PAK4: variants seen among roughly 807,000 people sequenced by gnomAD.
PAK4 encodes serine/threonine-protein kinase PAK 4.
Under a neutral mutation model 53.5 loss-of-function variants are expected in PAK4, and 49 were observed. The ratio of observed to expected loss-of-function variants is 0.92; its 90% confidence interval spans 0.73 to 1.16. The LOEUF is 1.16. PAK4 is among the 50% of genes most tolerant of loss of function. The probability of loss-of-function intolerance (pLI) is 0.00; values close to 1 mark genes in which losing one functional copy is unlikely to be tolerated. For synonymous variants in PAK4, 376 were observed against 375.6 expected, an observed-to-expected ratio of 1.00 and a Z score of -0.01; for missense variants, 824 against 850.7, an observed-to-expected ratio of 0.97 and a Z score of 0.39.
At chr19:39,171,559 C>T (rs1029123186) in intron 2 of PAK4, among the ~76,000 whole-genome samples, 2 of 152,206 alleles carry the variant, frequency 1.3e-5, no homozygotes, top group African/African-American at 4.8e-5. Flanking sequence ...CTTCCTGGGG[C>T]CCCTGGGCAA....
chr19:39,160,020 C>T (rs76969237), intron 1 of PAK4, among the ~76,000 whole-genome samples: 2,563 of 152,348 alleles, frequency 0.017, 37 homozygotes, highest in African/African-American at 0.034. Context: ...AGATTCCCAG[C>T]GTAGGCCATG....
At chr19:39,133,832 A>T (rs1337322601) in intron 1 of PAK4, among the ~76,000 whole-genome samples, 1 of 151,522 alleles carries the variant, frequency 6.6e-6, no homozygotes, top group Admixed American at 6.6e-5. Flanking sequence ...CCCACACTTC[A>T]CTCCCAGAGG....
At chr19:39,172,447 C>A (rs947362626) in intron 2 of PAK4, among the ~76,000 whole-genome samples, 1 of 152,142 alleles carries the variant, frequency 6.6e-6, no homozygotes, top group African/African-American at 2.4e-5. Flanking sequence ...GTCCCCCACT[C>A]CTTGTTGTTC....
chr19:39,167,169 A>G (rs946994039), intron 1 of PAK4, among the ~76,000 whole-genome samples: 1 of 152,096 alleles, frequency 6.6e-6, no homozygotes, highest in African/African-American at 2.4e-5. Flanking sequence ...GAGGGGTCAC[A>G]TGGCTGATCC....
chr19:39,132,235 T>C (rs943160803), intron 1 of PAK4, among the ~76,000 whole-genome samples: 1 of 152,194 alleles, frequency 6.6e-6, no homozygotes, highest in Non-Finnish European at 1.5e-5. Flanking sequence ...TTTTCCTCCA[T>C]GTGCATGCAT....
chr19:39,158,027 A>T (rs576878374), intron 1 of PAK4, among the ~76,000 whole-genome samples: 10 of 151,778 alleles, frequency 6.6e-5, no homozygotes, highest in East Asian at 5.8e-4. Context: ...CATGTGTGTG[A>T]GTGTGCATGT....
Position 39,136,676 on chromosome 19 carries a change from G to A in PAK4, c.-23+10757G>A, listed in dbSNP as rs368948090. 4.0e-4 allele frequency among the ~76,000 whole-genome samples: 61 copies of A among 152,338 alleles called. 1 individual carries two copies. In the South Asian group the frequency reaches 0.011, roughly 28 times the overall value. ...CGTAGCCTCAGGGCATGGGGGTAGG[G>A]GTAGAACCACAGGGCCTTGCCCTGC... On this transcript the variant is annotated intron_variant, in intron 1 of 8. Coordinates refer to ENST00000358301, the Ensembl canonical transcript of PAK4.
chr19:39,169,492 G>A (rs2144819015), intron 1 of PAK4, 40 bp from the exon 3 acceptor site: 1 of 1,404,406 alleles, frequency 7.1e-7, no homozygotes, highest in South Asian at 1.2e-5. Context: ...GAAGAGACAT[G>A]GGCAGGCTCT....
At chr19:39,170,892 G>A (rs2074465571) in intron 2 of PAK4, among the ~76,000 whole-genome samples, 1 of 152,236 alleles carries the variant, frequency 6.6e-6, no homozygotes, top group Non-Finnish European at 1.5e-5. Flanking sequence ...GAGGCGAGTG[G>A]CAGCTGCCTC....
chr19:39,147,135 C>CT (rs1466032468), intron 1 of PAK4, among the ~76,000 whole-genome samples: 1 of 151,906 alleles, frequency 6.6e-6, no homozygotes, highest in Non-Finnish European at 1.5e-5. Flanking sequence ...ACAAGGATCC[C>CT]TCCTAATACC....
Position 39,173,591 on chromosome 19 carries a change from G to T in PAK4, c.679G>T (p.Val227Leu), listed in dbSNP as rs200391013. ...TCTGTTTCAGGGGGAGCCTCATGAC[G>T]TGGCCCCTAACGGGCCATCAGCGGG... Residue 227 changes from valine to leucine, a missense_variant, in exon 4 of 9, where the codon GTG becomes TTG. Val to Leu is a conservative substitution (Grantham distance 32). Around this residue, in one of 2 missense-constraint regions of PAK4, gnomAD observed 478 missense variants for 435.8 expected, o/e 1.10. Coordinates refer to ENST00000358301, the Ensembl canonical transcript of PAK4. This position sits in a 1 kb window ranked among gnomAD's most constrained non-coding sequence, Gnocchi z 6.9. 1 of 1,524,346 alleles carries T rather than the reference G, an allele frequency of 6.6e-7. No homozygotes were observed. The highest frequency in any genetic ancestry group is 2.3e-5 in the East Asian group (1 of 44,080). The allele number at this position is 1,524,346 out of a possible 1,614,324, so 94.4% of individuals were successfully genotyped here. A position where few individuals can be genotyped will look rare whatever the true frequency, so the allele number is the denominator to read the frequency against.
chr19:39,180,913 G>C (rs1030391382), downstream of PAK4: 3 of 152,204 alleles, frequency 2.0e-5, no homozygotes, highest in Non-Finnish European at 4.4e-5. Context: ...CAGCCAGGGT[G>C]CCCGGCGACC....
chr19:39,172,516 G>C (rs1391954306), intron 2 of PAK4, among the ~76,000 whole-genome samples: 1 of 152,142 alleles, frequency 6.6e-6, no homozygotes, highest in Non-Finnish European at 1.5e-5. Context: ...ATGGGAGGAA[G>C]TGCCAGGCCA....
rs770959716 is a variant in PAK4 at position 39,173,347 on chromosome 19, G to A, written c.634G>A (p.Asp212Asn). ...GCCCTTTAACACCTACCCGAGGGCT[G>A]ACACGGACCACCCATCCCGGGGTGC... Residue 212 changes from aspartate to asparagine, a missense_variant, in exon 3 of 9, where the codon GAC becomes AAC. Asp to Asn is a conservative substitution (Grantham distance 23, BLOSUM62 1). This residue lies in a region of PAK4 where 478 missense variants were observed against 435.8 expected (regional missense o/e 1.10). Transcript: ENST00000358301. This position sits in a 1 kb window ranked among gnomAD's most constrained non-coding sequence, Gnocchi z 6.9. 6.4e-7 allele frequency: 1 copy of A among 1,555,172 alleles called. No homozygotes were observed. Among genetic ancestry groups the A allele is most frequent in the Admixed American group, 1.9e-5 (1 of 51,500 alleles).
intron 4 of PAK4, 30 bp from the exon 6 acceptor site, chr19:39,174,901 C>T: frequency 6.2e-7 from 1 of 1,612,748 alleles, no homozygotes; most frequent in East Asian, 2.2e-5. Context: ...CCTCCCGCCT[C>T]CCTCCACCAC....
chr19:39,170,497 G>C (rs1432212068), intron 2 of PAK4, among the ~76,000 whole-genome samples: 1 of 152,230 alleles, frequency 6.6e-6, no homozygotes, highest in Admixed American at 6.5e-5. Context: ...CGGTGTCTGG[G>C]TGTGGCCTGG....
rs112147912 is a variant in PAK4 at position 39,161,030 on chromosome 19, C to T, written c.-22-8502C>T. ...AGCCCTGGGCAGTGAGTTCCCCTCTCGGCCTCAGTTTCCTGGTTTGGGGAA... is the reference window on the plus strand; with the variant it reads ...AGCCCTGGGCAGTGAGTTCCCCTCTTGGCCTCAGTTTCCTGGTTTGGGGAA... On this transcript the variant is annotated intron_variant, in intron 1 of 8. Coordinates refer to ENST00000358301, the Ensembl canonical transcript of PAK4. The surrounding 1 kb of genome is among the most constrained non-coding windows in gnomAD (Gnocchi z 4.5). Among the ~76,000 whole-genome samples, 3,942 of 152,286 alleles carry T rather than the reference C, an allele frequency of 0.026. 111 individuals are homozygous for T. Among genetic ancestry groups the T allele is most frequent in the African/African-American group, 0.066 (2,737 of 41,548 alleles).
In PAK4 at chr19:39,173,941, G is replaced by A. The variant is rs144457438; in HGVS notation, c.1029G>A (p.Ser343=). ...TGTGCATCGCCACCGTGCGCAGCTCGGGCAAGCTGGTGGCCGTCAAGAAGA... is the reference window on the plus strand; with the variant it reads ...TGTGCATCGCCACCGTGCGCAGCTCAGGCAAGCTGGTGGCCGTCAAGAAGA... Residue 343 remains serine (S), a synonymous_variant, in exon 4 of 9, where the codon TCG becomes TCA. Transcript: ENST00000358301. The surrounding 1 kb of genome is among the most constrained non-coding windows in gnomAD (Gnocchi z 6.9). 1.3e-5 allele frequency: 21 copies of A among 1,611,082 alleles called. No homozygotes were observed. Among genetic ancestry groups the A allele is most frequent in the Admixed American group, 1.7e-5 (1 of 59,864 alleles).
intron 2 of PAK4, among the ~76,000 whole-genome samples, chr19:39,172,144 G>A (rs1302421214): frequency 6.6e-6 from 1 of 152,054 alleles, no homozygotes; most frequent in African/African-American, 2.4e-5. Flanking sequence ...CTGAAGGAGT[G>A]GAGGGAGGGA....
Sources: allele counts gnomAD v4.1 joint callset (sites outside exome capture counted in the v4.1 genomes callset), GRCh38; gene constraint gnomAD v4.1.1; regional missense constraint gnomAD v4.1.1; non-coding constraint Gnocchi (gnomAD v3.1); transcripts MANE v1.5; gene names NCBI Gene and HGNC (gene_info 2026-07-23, HGNC 2026-07-21).